Variants in CALN1 observed in about 807,000 individuals in gnomAD.
CALN1 encodes the protein calneuron 1.
CALN1 carries 17 observed loss-of-function variants against 30.6 expected under a neutral mutation model. The ratio of observed to expected loss-of-function variants is 0.56; its 90% CI spans 0.38 to 0.83. CALN1 has a LOEUF of 0.83. Among genes scored for constraint, CALN1 ranks in the 40% least tolerant of loss-of-function variants. CALN1 has a pLI of 0.00. For synonymous variants in CALN1, 156 were observed against 131.4 expected, an observed-to-expected ratio of 1.19 and a Z score of -1.28; for missense variants, 291 against 354.9, an observed-to-expected ratio of 0.82 and a Z score of 1.45.
chr7:72,008,941 C>A (rs1355670396), intron 5 of CALN1, among the ~76,000 whole-genome samples: 1 of 152,158 alleles, frequency 6.6e-6, no homozygotes, highest in African/African-American at 2.4e-5. Flanking sequence ...CAGGCGTGAG[C>A]CACTGTGCCC....
intron 2 of CALN1, among the ~76,000 whole-genome samples, chr7:72,339,066 G>T (rs1802264557): frequency 6.8e-6 from 1 of 146,300 alleles, no homozygotes; most frequent in African/African-American, 2.5e-5. Context: ...GTGAAAACAT[G>T]TGATGTTTGT....
intron 2 of CALN1, among the ~76,000 whole-genome samples, chr7:72,312,558 C>A (rs1233105572): frequency 6.6e-6 from 1 of 151,964 alleles, no homozygotes; most frequent in African/African-American, 2.4e-5. Context: ...CCATGTATAC[C>A]TAGAGATCCT....
Position 72,406,316 on chromosome 7 carries a change from T to G in CALN1, c.-73-2874A>C, listed in dbSNP as rs1585679997. On this transcript the variant is annotated intron_variant, in intron 1 of 6. Coordinates refer to ENST00000395275, the MANE Select transcript of CALN1 (RefSeq NM_031468.4). ...GACAGACCTCCATCTTCCCCCAATT[T>G]AACTGGAAGCTTCTCCAAGACACAG... Among the ~76,000 whole-genome samples, 4 of 152,240 alleles carry G rather than the reference T, an allele frequency of 2.6e-5. No individual in the cohort carries two copies. The East Asian group carries it at 5.8e-4, about 22-fold the overall frequency.
chr7:72,474,425 C>A, the CALN1 span, among the ~76,000 whole-genome samples: 1 of 152,118 alleles, frequency 6.6e-6, no homozygotes, highest in African/African-American at 2.4e-5. Context: ...GAGGCTCACA[C>A]CTGTAATCCC....
intron 3 of CALN1, among the ~76,000 whole-genome samples, chr7:72,239,693 G>GA (rs5884877): frequency 2.6e-4 from 39 of 151,216 alleles, no homozygotes; most frequent in African/African-American, 8.5e-4. Flanking sequence ...GGATGCTACA[G>GA]AAAAAAAAAA....
At chr7:72,419,809 G>C (rs114589654) in intron 1 of CALN1, among the ~76,000 whole-genome samples, 2,407 of 152,284 alleles carry the variant, frequency 0.016, 51 homozygotes, top group African/African-American at 0.055. Flanking sequence ...GGTACATGCA[G>C]CTAACTTCAG....
In CALN1 at chr7:71,810,601, G is replaced by A. The variant is rs17143997; in HGVS notation, c.502-109C>T. 10,715 of 1,067,370 alleles carry A rather than the reference G, an allele frequency of 0.01. 603 individuals carry two copies. In the African/African-American group the frequency reaches 0.14, roughly 13 times the overall value. 66.1% of individuals were successfully genotyped at this position (1,067,370 alleles called of 1,614,324 possible). On this transcript the variant is annotated intron_variant, in intron 5 of 6. Transcript: ENST00000395275. ...CTGCTCTGCAGAAACTTGTCTCAGCGTTTCAGGATATCAGGTGAACAGTTT... is the reference window on the plus strand; with the variant it reads ...CTGCTCTGCAGAAACTTGTCTCAGCATTTCAGGATATCAGGTGAACAGTTT...
chr7:71,884,941 C>T (rs1792811450), intron 5 of CALN1, among the ~76,000 whole-genome samples: 1 of 150,166 alleles, frequency 6.7e-6, no homozygotes, highest in South Asian at 2.1e-4. Context: ...CATCTATTGT[C>T]TCTAAGGGAA....
At chr7:72,076,009 G>T (rs1804702459) in intron 4 of CALN1, among the ~76,000 whole-genome samples, 1 of 152,082 alleles carries the variant, frequency 6.6e-6, no homozygotes, top group South Asian at 2.1e-4. Flanking sequence ...GACAGATGAG[G>T]CCAATTCATT....
chr7:72,169,341 A>T (rs1270869802), intron 3 of CALN1, among the ~76,000 whole-genome samples: 1 of 151,900 alleles, frequency 6.6e-6, no homozygotes, highest in African/African-American at 2.4e-5. Context: ...TGGTTTGGAG[A>T]CAGAGTCTCA....
the CALN1 span, among the ~76,000 whole-genome samples, chr7:72,456,378 A>G: frequency 1.3e-5 from 2 of 151,832 alleles, no homozygotes; most frequent in African/African-American, 4.8e-5. Flanking sequence ...ATAAATAGAT[A>G]AATAAATAAA....
intron 3 of CALN1, among the ~76,000 whole-genome samples, chr7:72,226,093 CAAAAAAAA>C (rs35950469): frequency 8.9e-6 from 1 of 111,910 alleles, no homozygotes; most frequent in Non-Finnish European, 1.8e-5. Flanking sequence ...AGACTCCACC[CAAAAAAAA>C]AAAAAAAAAA....
At chr7:72,070,723 T>TA (rs1804331671) in intron 4 of CALN1, among the ~76,000 whole-genome samples, 1 of 152,208 alleles carries the variant, frequency 6.6e-6, no homozygotes, top group Non-Finnish European at 1.5e-5. Flanking sequence ...GCGAATGCTC[T>TA]GTACTTACAA....
intron 2 of CALN1, among the ~76,000 whole-genome samples, chr7:72,299,250 A>G (rs1799080001): frequency 6.6e-6 from 1 of 152,186 alleles, no homozygotes; most frequent in South Asian, 2.1e-4. Flanking sequence ...TCCCCTTTGA[A>G]AATCAGGCAG....
intron 5 of CALN1, among the ~76,000 whole-genome samples, chr7:71,977,086 T>A (rs573575284): frequency 1.3e-5 from 2 of 152,198 alleles, no homozygotes; most frequent in Non-Finnish European, 2.9e-5. Context: ...ACTTTCCATA[T>A]AAAGCTTTTC....
At chr7:71,821,085 C>T (rs995495462) in intron 5 of CALN1, among the ~76,000 whole-genome samples, 3 of 152,008 alleles carry the variant, frequency 2.0e-5, no homozygotes, top group Non-Finnish European at 4.4e-5. Context: ...AGTAGAATAG[C>T]CTAGGATGCA....
intron 3 of CALN1, among the ~76,000 whole-genome samples, chr7:72,159,363 T>A (rs1030649588): frequency 2.0e-5 from 3 of 152,096 alleles, no homozygotes; most frequent in Non-Finnish European, 4.4e-5. Context: ...TAGCCAGGCA[T>A]GTGGTGTGTG....
chr7:72,311,860 C>T (rs114585756), intron 2 of CALN1, among the ~76,000 whole-genome samples: 4,799 of 151,760 alleles, frequency 0.032, 248 homozygotes, highest in African/African-American at 0.11. Context: ...CACAACAAGG[C>T]TCAGACTTTG....
intron 3 of CALN1, among the ~76,000 whole-genome samples, chr7:72,127,363 G>A (rs1808838097): frequency 6.6e-6 from 1 of 152,250 alleles, no homozygotes; most frequent in African/African-American, 2.4e-5. Context: ...ACCCAAGAGG[G>A]AATGGGTGGG....
Sources: allele counts gnomAD v4.1 joint callset (sites outside exome capture counted in the v4.1 genomes callset), GRCh38; gene constraint gnomAD v4.1.1; transcripts MANE v1.5; gene names NCBI Gene and HGNC (gene_info 2026-07-23, HGNC 2026-07-21).